Variants in CD47 observed in about 807,000 individuals in gnomAD.
CD47 encodes leukocyte surface antigen CD47.
In CD47, 11 loss-of-function variants were observed where a neutral mutation model predicts 44.6. The observed-to-expected ratio is 0.25, with a 90% CI of 0.16 to 0.41. CD47 has a LOEUF of 0.41. Ranked by LOEUF, CD47 falls within the 10% of genes least tolerant of loss-of-function variation. The probability of loss-of-function intolerance (pLI) is 1.00; values close to 1 mark genes in which losing one functional copy is unlikely to be tolerated. For missense variants in CD47, 306 were observed against 386.7 expected (o/e 0.79, Z 1.75); for synonymous variants, 140 against 136.3 (o/e 1.03, Z -0.19).
chr3:108,060,646 C>A, intron 4 of CD47, 99 bp downstream of exon 4: 4 of 753,230 alleles, frequency 5.3e-6, no homozygotes, highest in Non-Finnish European at 9.2e-6. Context: ...AGTTTGTGGT[C>A]ATCTGTTCCA....
chr3:108,073,938 G>A (rs2079257170), intron 2 of CD47, among the ~76,000 whole-genome samples: 1 of 152,174 alleles, frequency 6.6e-6, no homozygotes, highest in Non-Finnish European at 1.5e-5. Context: ...CTAGAATGGG[G>A]ATCCCGAAAC....
intron 1 of CD47, among the ~76,000 whole-genome samples, chr3:108,082,281 T>C (rs1479663836): frequency 6.6e-6 from 1 of 151,968 alleles, no homozygotes; most frequent in Non-Finnish European, 1.5e-5. Context: ...GTTTCATAAG[T>C]TGTAGAAAAC....
intron 10 of CD47, among the ~76,000 whole-genome samples, chr3:108,047,778 A>G (rs2078745478): frequency 6.6e-6 from 1 of 152,258 alleles, no homozygotes; most frequent in African/African-American, 2.4e-5. Context: ...GGAAGTACCC[A>G]CCAGCCAGAC....
intron 5 of CD47, among the ~76,000 whole-genome samples, 158 bp downstream of exon 5, chr3:108,059,294 A>G (rs765573794): frequency 1.3e-5 from 2 of 152,212 alleles, no homozygotes; most frequent in Non-Finnish European, 2.9e-5. Context: ...CTTAAAATTA[A>G]TATGAATGGG....
chr3:108,082,269 C>T (rs915546701), intron 1 of CD47, among the ~76,000 whole-genome samples: 3 of 151,948 alleles, frequency 2.0e-5, no homozygotes, highest in Admixed American at 6.6e-5. Context: ...GGCTGTTTTA[C>T]AGTTTCATAA....
chr3:108,054,552 T>A (rs2078881626), intron 7 of CD47: 1 of 152,194 alleles, frequency 6.6e-6, no homozygotes, highest in African/African-American at 2.4e-5. Flanking sequence ...GCCATATATA[T>A]ATATTTTTTA....
intron 2 of CD47, among the ~76,000 whole-genome samples, chr3:108,079,186 A>G (rs1238494175): frequency 6.6e-6 from 1 of 152,016 alleles, no homozygotes; most frequent in Non-Finnish European, 1.5e-5. Flanking sequence ...GTAATATGAC[A>G]GGTAATTCTA....
chr3:108,047,419 G>A, intron 10 of CD47, 127 bp from the exon 11 acceptor site: 2 of 538,404 alleles, frequency 3.7e-6, no homozygotes, highest in Non-Finnish European at 6.3e-6. Context: ...ACCTGCAAAG[G>A]TCAGAGACAG....
intron 10 of CD47, among the ~76,000 whole-genome samples, chr3:108,049,381 C>A (rs1177412652): frequency 1.3e-5 from 2 of 152,196 alleles, no homozygotes; most frequent in Non-Finnish European, 2.9e-5. Flanking sequence ...GTGGTAATTT[C>A]TCTTTGCTGG....
intron 1 of CD47, among the ~76,000 whole-genome samples, chr3:108,087,135 T>A (rs753561753): frequency 6.6e-6 from 1 of 152,102 alleles, no homozygotes; most frequent in South Asian, 2.1e-4. Context: ...GAAGCAAAGA[T>A]CATCAGTAAA....
At chr3:108,084,927 T>C (rs528927796) in intron 1 of CD47, among the ~76,000 whole-genome samples, 2 of 152,086 alleles carry the variant, frequency 1.3e-5, no homozygotes, top group Non-Finnish European at 2.9e-5. Context: ...GGTTTCTCCA[T>C]CCTGGCCCTG....
At chr3:108,085,753 A>C (rs771256720) in intron 1 of CD47, among the ~76,000 whole-genome samples, 5 of 152,166 alleles carry the variant, frequency 3.3e-5, no homozygotes, top group African/African-American at 4.8e-5. Context: ...GTAGGATTCA[A>C]TACCTTCCTT....
chr3:108,058,073 A>G lies in CD47; in HGVS notation c.784+264T>C, dbSNP rs576215868. 8.5e-5 allele frequency among the ~76,000 whole-genome samples: 13 copies of G among 152,288 alleles called. No homozygotes were observed. In the South Asian group the frequency reaches 2.7e-3, roughly 32 times the overall value. ...ATGGTACAGCTATTTTGATACAGAG[A>G]GTTTGGCAGTTTATTTCAACATACT... On this transcript the variant is annotated intron_variant, in intron 6 of 10. Coordinates refer to ENST00000361309, the MANE Select transcript of CD47 (RefSeq NM_001777.4).
At position 108,059,466 on chromosome 3, in the gene CD47, T is replaced by C. The variant is rs1364772493; in HGVS notation, c.677A>G (p.Tyr226Cys). The C allele has an allele frequency of 1.3e-6, 2 of 1,486,602 alleles. No homozygotes were observed. The highest frequency in any genetic ancestry group is 9.1e-7 in the Non-Finnish European group (1 of 1,098,754). 92.1% of individuals were successfully genotyped at this position (1,486,602 alleles called of 1,614,324 possible). Residue 226 changes from tyrosine to cysteine, a missense_variant, in exon 5 of 11, where the codon TAT (tyrosine) becomes TGT (cysteine). Coordinates refer to ENST00000361309, the MANE Select transcript of CD47 (RefSeq NM_001777.4). The part of the protein sequence containing the change: ...STGILILLHY[Y>C]VFSTAIGLTS... The stretch of plus-strand genomic sequence containing the variant: ...TGAAAACTCACCTGTACTAAACACA[T>C]AGTAGTGAAGTAATATTAATATCCC...
At chr3:108,055,566 C>A (rs1269700132) in intron 7 of CD47, 8 of 1,302,608 alleles carry the variant, frequency 6.1e-6, no homozygotes, top group Non-Finnish European at 7.1e-6. Context: ...CCCTCTGAAC[C>A]CTGGCATCAG....
At chr3:108,077,117 C>G (rs1356389584) in intron 2 of CD47, among the ~76,000 whole-genome samples, 2 of 152,202 alleles carry the variant, frequency 1.3e-5, no homozygotes, top group Non-Finnish European at 2.9e-5. Flanking sequence ...AAAGAATGGT[C>G]ACTATTATCT....
Position 108,044,538 on chromosome 3 carries a change from C to T in CD47, c.*2750G>A, listed in dbSNP as rs1348183714. On this transcript the variant is annotated 3_prime_UTR_variant, in exon 11 of 11. Transcript: ENST00000361309. ...ATACAGCCAACTCTCAATCATTTAA[C>T]TTATGTACCTAGCTTCTGATGTATG... The T allele has an allele frequency of 6.7e-6, 1 of 149,264 alleles. No individual in the cohort carries two copies. Among genetic ancestry groups the T allele is most frequent in the East Asian group, 2.0e-4 (1 of 4,984 alleles). The allele number at this position is 149,264 out of a possible 1,614,324, so 9.2% of individuals were successfully genotyped here.
At chr3:108,073,154 T>C (rs1446581735) in intron 2 of CD47, among the ~76,000 whole-genome samples, 1 of 151,968 alleles carries the variant, frequency 6.6e-6, no homozygotes, top group Non-Finnish European at 1.5e-5. Context: ...TGACTCTACC[T>C]TCAAAATATA....
chr3:108,055,615 T>TA (rs1163453244), intron 7 of CD47: 1 of 1,060,612 alleles, frequency 9.4e-7, no homozygotes, highest in African/African-American at 1.6e-5. Context: ...ATACTATCAA[T>TA]AAAATTAGGA....
Sources: allele counts gnomAD v4.1 joint callset (sites outside exome capture counted in the v4.1 genomes callset), GRCh38; gene constraint gnomAD v4.1.1; transcripts MANE v1.5; gene names NCBI Gene and HGNC (gene_info 2026-07-23, HGNC 2026-07-21).